LIMD1: variants seen among roughly 807,000 people sequenced by gnomAD.
The protein encoded by LIMD1 is LIM domain-containing protein 1.
In LIMD1, 23 loss-of-function variants were observed where a neutral mutation model predicts 58.4. The observed-to-expected ratio is 0.39, with a 90% CI of 0.28 to 0.56. The LOEUF is 0.56. Ranked by LOEUF, LIMD1 falls within the 20% of genes least tolerant of loss-of-function variation. LIMD1 has a pLI of 0.57. For missense variants in LIMD1, 838 were observed against 855.5 expected, an observed-to-expected ratio of 0.98 and a Z score of 0.25; for synonymous variants, 334 against 345.5, an observed-to-expected ratio of 0.97 and a Z score of 0.37.
chr3:45,676,116 T>G (rs1213242219), intron 7 of LIMD1, among the ~76,000 whole-genome samples: 1 of 151,986 alleles, frequency 6.6e-6, no homozygotes, highest in Non-Finnish European at 1.5e-5. Context: ...TGTTGGCGCG[T>G]GCATAATCCC....
At position 45,643,475 on chromosome 3, in the gene LIMD1, ACT is replaced by A. The variant is rs1263512420; in HGVS notation, c.1510+7227_1510+7228del. ...ACTCCATCCTGGGCGACAGGGTGAGACTCTGTCTCAAAAAAAAAAAAAAGAAT... is the reference window on the plus strand; with the variant it reads ...ACTCCATCCTGGGCGACAGGGTGAGACTGTCTCAAAAAAAAAAAAAAGAAT... On this transcript the variant is annotated intron_variant, in intron 2 of 7. Transcript: ENST00000273317. Among the ~76,000 whole-genome samples the A allele has an allele frequency of 3.3e-5, 5 of 149,722 alleles. No individual in the cohort carries two copies. In the East Asian group the frequency reaches 9.8e-4, roughly 29 times the overall value.
At chr3:45,638,373 G>A (rs1307522778) in intron 2 of LIMD1, among the ~76,000 whole-genome samples, 1 of 152,168 alleles carries the variant, frequency 6.6e-6, no homozygotes, top group Non-Finnish European at 1.5e-5. Flanking sequence ...TGAAGTTTGA[G>A]CTTCTATTGG....
intron 1 of LIMD1, among the ~76,000 whole-genome samples, chr3:45,624,583 T>C (rs978982370): frequency 4.6e-5 from 7 of 151,782 alleles, no homozygotes; most frequent in Admixed American, 3.9e-4. Flanking sequence ...ATTAGCCGGG[T>C]GTGGTGGCGG....
intron 7 of LIMD1, among the ~76,000 whole-genome samples, chr3:45,675,712 C>T (rs187784377): frequency 1.1e-3 from 170 of 152,052 alleles, no homozygotes; most frequent in African/African-American, 4.0e-3. Context: ...TTATTTTATT[C>T]GGTTCAAAAT....
chr3:45,609,972 T>A (rs999888536), intron 1 of LIMD1, among the ~76,000 whole-genome samples: 1 of 152,126 alleles, frequency 6.6e-6, no homozygotes, highest in African/African-American at 2.4e-5. Context: ...GGTGGGCAGA[T>A]CACAAGGTCA....
rs1379257968 is a variant in LIMD1, at chr3:45,595,786, C to A, written c.907C>A (p.Leu303Met). 2 of 1,614,154 alleles carry A rather than the reference C, an allele frequency of 1.2e-6. No homozygotes were observed. Among genetic ancestry groups the A allele is most frequent in the Non-Finnish European group, 1.7e-6 (2 of 1,180,022 alleles). The change falls in exon 1 of 8, where the codon CTG becomes ATG. Residue 303 changes from leucine (L) to methionine (M), a missense_variant. Physicochemically the swap from Leu to Met is conservative, Grantham distance 15 (BLOSUM62 2). This residue lies in a region of LIMD1 where 659 missense variants were observed against 639.8 expected (regional missense o/e 1.03). Coordinates refer to ENST00000273317, the MANE Select transcript of LIMD1 (RefSeq NM_014240.3). ...RTPSVSAPLA[L>M]SCPRQGGLPR... Reference sequence around the variant, plus strand: ...CCCTTCTGTGTCAGCACCCTTGGCCCTGAGCTGCCCCAGGCAAGGAGGTCT... The same window carrying A: ...CCCTTCTGTGTCAGCACCCTTGGCCATGAGCTGCCCCAGGCAAGGAGGTCT...
intron 1 of LIMD1, among the ~76,000 whole-genome samples, chr3:45,617,340 C>G (rs1241086836): frequency 2.0e-5 from 3 of 152,172 alleles, no homozygotes; most frequent in Non-Finnish European, 4.4e-5. Flanking sequence ...AGCCACTGCA[C>G]CAGTCCAAGA....
At chr3:45,652,271 G>A (rs957560176) in intron 2 of LIMD1, among the ~76,000 whole-genome samples, 15 of 152,180 alleles carry the variant, frequency 9.9e-5, no homozygotes, top group African/African-American at 3.6e-4. Context: ...TTCATCTCTA[G>A]CAGCTCAGTT....
chr3:45,667,485 C>T (rs1043384871), intron 3 of LIMD1, among the ~76,000 whole-genome samples: 1 of 151,480 alleles, frequency 6.6e-6, no homozygotes, highest in Non-Finnish European at 1.5e-5. Context: ...TTCCCAGCTT[C>T]CTTTCATAAG....
chr3:45,663,752 T>C (rs1168729050), intron 2 of LIMD1, among the ~76,000 whole-genome samples: 1 of 152,076 alleles, frequency 6.6e-6, no homozygotes, highest in African/African-American at 2.4e-5. Context: ...TATTTATTTT[T>C]GAGACAGAGT....
chr3:45,624,881 CTTTTT>C (rs59284051), intron 1 of LIMD1, among the ~76,000 whole-genome samples: 1 of 138,436 alleles, frequency 7.2e-6, no homozygotes, highest in Non-Finnish European at 1.6e-5. Context: ...TGCTATCTTC[CTTTTT>C]TTTTTTTTTT....
intron 2 of LIMD1, among the ~76,000 whole-genome samples, chr3:45,653,348 G>A (rs1173104936): frequency 6.6e-6 from 1 of 152,204 alleles, no homozygotes; most frequent in East Asian, 1.9e-4. Context: ...TGCCTGGTAT[G>A]AGGTGCACTG....
intron 2 of LIMD1, among the ~76,000 whole-genome samples, chr3:45,649,680 CAA>C (rs748471672): frequency 2.9e-4 from 28 of 95,276 alleles, no homozygotes; most frequent in African/African-American, 1.1e-3. Flanking sequence ...GACTCTGTCT[CAA>C]AAAAAAAAAA....
chr3:45,629,889 G>A (rs1448964988), intron 1 of LIMD1, among the ~76,000 whole-genome samples: 3 of 152,198 alleles, frequency 2.0e-5, no homozygotes, highest in African/African-American at 4.8e-5. Context: ...CTGTGAGAGG[G>A]ACAAGGGAAC....
At chr3:45,628,734 T>C (rs1310027572) in intron 1 of LIMD1, among the ~76,000 whole-genome samples, 1 of 152,218 alleles carries the variant, frequency 6.6e-6, no homozygotes, top group African/African-American at 2.4e-5. Flanking sequence ...TCTTTATTTG[T>C]AATAGCCTCA....
intron 2 of LIMD1, among the ~76,000 whole-genome samples, chr3:45,639,111 C>T (rs528567050): frequency 6.6e-6 from 1 of 152,246 alleles, no homozygotes; most frequent in East Asian, 1.9e-4. Flanking sequence ...TTCTGGTGAC[C>T]CTCCCACCTC....
At chr3:45,633,681 T>C (rs1239319434) in intron 1 of LIMD1, among the ~76,000 whole-genome samples, 1 of 152,212 alleles carries the variant, frequency 6.6e-6, no homozygotes, top group Non-Finnish European at 1.5e-5. Flanking sequence ...TGTGCCCTCT[T>C]GAGCTTTCTA....
In LIMD1 at chr3:45,678,435, C is replaced by G. The variant is rs1363143008; in HGVS notation, c.*1376C>G. The stretch of plus-strand genomic sequence containing the variant: ...CTTATGCATTTCAGCATCCTGGCTC[C>G]CCAGGGTGGCAGGAGCTGAGGGAGG... On this transcript the variant is annotated 3_prime_UTR_variant, in exon 8 of 8. Transcript: ENST00000273317. The G allele has an allele frequency of 1.3e-5, 2 of 152,646 alleles. No individual in the cohort carries two copies. Among genetic ancestry groups the G allele is most frequent in the Admixed American group, 1.3e-4 (2 of 15,274 alleles). The allele number at this position is 152,646 out of a possible 1,614,324, so 9.5% of individuals were successfully genotyped here. A position where few individuals can be genotyped will look rare whatever the true frequency, so the allele number is the denominator to read the frequency against.
chr3:45,595,547 G>C lies in LIMD1; in HGVS notation c.668G>C (p.Gly223Ala). The change falls in exon 1 of 8, where the codon GGG becomes GCG. Residue 223 changes from glycine (G) to alanine (A), a missense_variant. Gly to Ala is a moderately conservative substitution (Grantham distance 60, BLOSUM62 0). Coordinates refer to ENST00000273317, the MANE Select transcript of LIMD1 (RefSeq NM_014240.3). The stretch of plus-strand genomic sequence containing the variant: ...GACCCACCACTGCCCAAACCCTGCG[G>C]GGACCATCCCCTAAATCACCGACAG... ...GSDPPLPKPC[G>A]DHPLNHRQLS... The C allele has an allele frequency of 6.2e-7, 1 of 1,614,134 alleles. No individual in the cohort carries two copies. Among genetic ancestry groups the C allele is most frequent in the South Asian group, 1.1e-5 (1 of 91,086 alleles).
Sources: allele counts gnomAD v4.1 joint callset (sites outside exome capture counted in the v4.1 genomes callset), GRCh38; gene constraint gnomAD v4.1.1; regional missense constraint gnomAD v4.1.1; transcripts MANE v1.5; gene names NCBI Gene and HGNC (gene_info 2026-07-23, HGNC 2026-07-21).